Variants in ADCY8 observed in about 807,000 individuals in gnomAD.
ADCY8 encodes the protein adenylate cyclase 8, also known as adenylate cyclase type 8.
Under a neutral mutation model 119.7 loss-of-function variants are expected in ADCY8, and 51 were observed. The ratio of observed to expected loss-of-function variants is 0.43; its 90% confidence interval spans 0.34 to 0.54. ADCY8 has a LOEUF of 0.54. Ranked by LOEUF, ADCY8 falls within the 20% of genes least tolerant of loss-of-function variation. ADCY8 has a pLI of 0.03. For missense variants in ADCY8, 1,383 were observed against 1,598.8 expected (o/e 0.87, Z 2.30); for synonymous variants, 665 against 651.0 (o/e 1.02, Z -0.33).
At chr8:130,909,562 T>C (rs1819909774) in intron 6 of ADCY8, 146 bp downstream of exon 6, 1 of 959,086 alleles carries the variant, frequency 1.0e-6, no homozygotes, top group African/African-American at 1.6e-5. Flanking sequence ...TGGAAGCTAA[T>C]AGTTGTATGA....
intron 5 of ADCY8, among the ~76,000 whole-genome samples, chr8:130,928,203 C>G (rs1414180725): frequency 1.3e-5 from 2 of 152,148 alleles, no homozygotes; most frequent in Non-Finnish European, 2.9e-5. Flanking sequence ...TCCCAAGTAG[C>G]TAGGACTATA....
chr8:131,019,939 AAGAG>A (rs1293317936), intron 1 of ADCY8, among the ~76,000 whole-genome samples: 1 of 151,170 alleles, frequency 6.6e-6, no homozygotes, highest in African/African-American at 2.4e-5. Context: ...GTTGTGACTT[AAGAG>A]AGAGCAGAGG....
At chr8:130,860,420 C>T (rs943235885) in intron 9 of ADCY8, among the ~76,000 whole-genome samples, 1 of 152,130 alleles carries the variant, frequency 6.6e-6, no homozygotes, top group African/African-American at 2.4e-5. Context: ...GTCTGACTTA[C>T]AATTTTTTTC....
At chr8:130,913,318 T>A (rs571602672) in intron 5 of ADCY8, among the ~76,000 whole-genome samples, 11 of 152,184 alleles carry the variant, frequency 7.2e-5, no homozygotes, top group African/African-American at 2.6e-4. Flanking sequence ...CCATTAACCA[T>A]CCCCACCTCC....
At chr8:130,917,870 T>C (rs1053705464) in intron 5 of ADCY8, among the ~76,000 whole-genome samples, 1 of 152,026 alleles carries the variant, frequency 6.6e-6, no homozygotes, top group African/African-American at 2.4e-5. Flanking sequence ...TATTGTATAG[T>C]GCATTTCCTT....
chr8:130,938,250 G>A (rs117891142), intron 4 of ADCY8, among the ~76,000 whole-genome samples: 3,274 of 152,238 alleles, frequency 0.022, 74 homozygotes, highest in South Asian at 0.079. Context: ...GTCCCCTTGT[G>A]CCACTATGAG....
At chr8:131,009,926 C>T (rs1586653032) in intron 1 of ADCY8, among the ~76,000 whole-genome samples, 6 of 152,106 alleles carry the variant, frequency 3.9e-5, no homozygotes, top group Admixed American at 3.9e-4. Context: ...GGAGTGGCTG[C>T]ACATGGTTGG....
intron 1 of ADCY8, among the ~76,000 whole-genome samples, chr8:131,038,545 C>T (rs1219928950): frequency 6.6e-6 from 1 of 151,922 alleles, no homozygotes; most frequent in African/African-American, 2.4e-5. Flanking sequence ...GAACTTTGTT[C>T]ACATAAGCAT....
At chr8:131,005,237 GC>G (rs1823076833) in intron 1 of ADCY8, among the ~76,000 whole-genome samples, 1 of 152,158 alleles carries the variant, frequency 6.6e-6, no homozygotes, top group South Asian at 2.1e-4. Context: ...GGCTATAAAG[GC>G]TAAACGAGGC....
intron 7 of ADCY8, chr8:130,892,799 G>A (rs1473394257): frequency 2.6e-5 from 4 of 152,188 alleles, no homozygotes; most frequent in South Asian, 4.1e-4. Flanking sequence ...ATTGGGCAGA[G>A]TTCTCAGGAT....
chr8:130,868,221 C>T (rs1026184392), intron 8 of ADCY8, among the ~76,000 whole-genome samples: 10 of 152,102 alleles, frequency 6.6e-5, no homozygotes, highest in African/African-American at 2.4e-4. Context: ...AACAGAAGAG[C>T]GCACATCCAT....
At chr8:130,998,209 T>C (rs1163879785) in intron 1 of ADCY8, among the ~76,000 whole-genome samples, 2 of 152,096 alleles carry the variant, frequency 1.3e-5, no homozygotes, top group Admixed American at 6.6e-5. Context: ...CCATAAATAA[T>C]AATACAGCAG....
intron 2 of ADCY8, among the ~76,000 whole-genome samples, chr8:130,958,334 A>T (rs1821494884): frequency 6.6e-6 from 1 of 152,226 alleles, no homozygotes; most frequent in African/African-American, 2.4e-5. Flanking sequence ...CAATGAATGC[A>T]TCCCACTTTC....
At chr8:131,027,088 C>T (rs1190904328) in intron 1 of ADCY8, among the ~76,000 whole-genome samples, 4 of 152,208 alleles carry the variant, frequency 2.6e-5, no homozygotes, top group Non-Finnish European at 5.9e-5. Flanking sequence ...CAATACAGTT[C>T]TGTCTCATTG....
intron 2 of ADCY8, among the ~76,000 whole-genome samples, chr8:130,975,632 G>A (rs1320351176): frequency 6.6e-6 from 1 of 152,142 alleles, no homozygotes; most frequent in Admixed American, 6.5e-5. Flanking sequence ...GAGGCAGGCT[G>A]GATTATTCCA....
chr8:130,850,783 C>T (rs1586480571), intron 9 of ADCY8, among the ~76,000 whole-genome samples: 1 of 152,140 alleles, frequency 6.6e-6, no homozygotes, highest in East Asian at 1.9e-4. Flanking sequence ...CCTTCTTTTC[C>T]TAACACCATC....
At chr8:130,819,956 A>T (rs755107044) in intron 13 of ADCY8, among the ~76,000 whole-genome samples, 1 of 152,224 alleles carries the variant, frequency 6.6e-6, no homozygotes, top group African/African-American at 2.4e-5. Flanking sequence ...TGAAGTAGAA[A>T]GGGGAGGCTT....
chr8:130,938,573 A>G (rs1000468844), intron 4 of ADCY8, among the ~76,000 whole-genome samples: 1 of 152,152 alleles, frequency 6.6e-6, no homozygotes. Context: ...AGAGACCAAC[A>G]GTACTGTTGA....
At chr8:131,008,141 T>C (rs1367467904) in intron 1 of ADCY8, among the ~76,000 whole-genome samples, 2 of 152,190 alleles carry the variant, frequency 1.3e-5, no homozygotes, top group African/African-American at 4.8e-5. Context: ...GGATGCAACG[T>C]CACCCTAATC....
Sources: allele counts gnomAD v4.1 joint callset (sites outside exome capture counted in the v4.1 genomes callset), GRCh38; gene constraint gnomAD v4.1.1; transcripts MANE v1.5; gene names NCBI Gene and HGNC (gene_info 2026-07-23, HGNC 2026-07-21).